The following ALG6 variants were observed in gnomAD, a reference collection of about 807,000 sequenced individuals.
The protein encoded by ALG6 is dolichyl pyrophosphate Man9GlcNAc2 alpha-1,3-glucosyltransferase.
ALG6 carries 46 observed loss-of-function variants against 66.6 expected under a neutral mutation model. The observed-to-expected ratio is 0.69, with a 90% CI of 0.55 to 0.88. The LOEUF (loss-of-function observed/expected upper bound fraction) is 0.88. ALG6 is among the 40% of genes least tolerant of loss of function. The pLI, the probability that ALG6 is intolerant of heterozygous loss-of-function variation, is 0.00. For synonymous variants in ALG6, 185 were observed against 203.7 expected, an observed-to-expected ratio of 0.91 and a Z score of 0.78; for missense variants, 505 against 586.8, an observed-to-expected ratio of 0.86 and a Z score of 1.44.
intron 2 of ALG6, among the ~76,000 whole-genome samples, chr1:63,387,056 A>T (rs1648524516): frequency 6.6e-6 from 1 of 152,210 alleles, no homozygotes; most frequent in African/African-American, 2.4e-5. Context: ...CTGGGCATTC[A>T]GGATCATATT....
At chr1:63,421,547 C>T (rs1473719422) in intron 12 of ALG6, among the ~76,000 whole-genome samples, 17 of 152,126 alleles carry the variant, frequency 1.1e-4, no homozygotes, top group Non-Finnish European at 4.4e-5. Context: ...GATTATAAAT[C>T]ATTCTACTAT....
chr1:63,390,371 A>C (rs1648633600), intron 2 of ALG6, among the ~76,000 whole-genome samples: 1 of 152,194 alleles, frequency 6.6e-6, no homozygotes. Context: ...TTGCTGTGGC[A>C]GAGCTGGTAT....
chr1:63,373,455 T>C (rs1284297532), intron 2 of ALG6, among the ~76,000 whole-genome samples: 2 of 151,062 alleles, frequency 1.3e-5, no homozygotes, highest in Non-Finnish European at 3.0e-5. Flanking sequence ...ATACAAAAAT[T>C]AGCCGGGCGC....
intron 11 of ALG6, 29 bp downstream of exon 11, chr1:63,415,986 A>G (rs771153758): frequency 6.9e-7 from 1 of 1,448,162 alleles, no homozygotes; most frequent in South Asian, 1.1e-5. Flanking sequence ...TAGATACTTA[A>G]TTCTTGCCAC....
rs1165302694 is a variant in ALG6 at position 63,436,985 on chromosome 1, T to A, written c.1489T>A (p.Ser497Thr). 6.2e-7 allele frequency: 1 copy of A among 1,613,528 alleles called. No individual in the cohort carries two copies. Among genetic ancestry groups the A allele is most frequent in the Middle Eastern group, 1.7e-4 (1 of 6,054 alleles). Reference protein sequence around the residue: ...VYFNIIIMWDSKSGRNQKKIS With the variant: ...VYFNIIIMWDTKSGRNQKKIS ...CTTTAACATTATTATTATGTGGGAT[T>A]CCAAAAGTGGAAGAAATCAGAAGAA... The change falls in exon 15 of 15, where the codon TCC (serine) becomes ACC (threonine). Residue 497 changes from serine to threonine, a missense_variant. Physicochemically the swap from Ser to Thr is moderately conservative, Grantham distance 58 (BLOSUM62 1). Transcript: ENST00000263440.
chr1:63,422,354 TATATAA>T (rs372376725), intron 12 of ALG6, among the ~76,000 whole-genome samples: 7,076 of 87,296 alleles, frequency 0.081, 657 homozygotes, highest in Middle Eastern at 0.14. Flanking sequence ...AATATATATC[TATATAA>T]ATATAAATAT....
chr1:63,430,761 T>C (rs1277304848), intron 14 of ALG6, among the ~76,000 whole-genome samples: 2 of 152,150 alleles, frequency 1.3e-5, no homozygotes, highest in Non-Finnish European at 2.9e-5. Context: ...GTTGTAAGAG[T>C]TTTTTTAATA....
At chr1:63,409,260 T>C (rs1431935922) in intron 7 of ALG6, among the ~76,000 whole-genome samples, 1 of 152,230 alleles carries the variant, frequency 6.6e-6, no homozygotes, top group Non-Finnish European at 1.5e-5. Flanking sequence ...TTACCATTTT[T>C]ATAATTTATT....
rs1019475428 is a variant in ALG6 at position 63,378,597 on chromosome 1, G to A, written c.82+7538G>A. On this transcript the variant is annotated intron_variant, in intron 2 of 14. Coordinates refer to ENST00000263440, the MANE Select transcript of ALG6 (RefSeq NM_013339.4). ...TATAGGCCATTCACTATGTGCCAAGGGCTGGTGATGCTGCAGAGAATAAAA... is the reference window on the plus strand; with the variant it reads ...TATAGGCCATTCACTATGTGCCAAGAGCTGGTGATGCTGCAGAGAATAAAA... 3.9e-5 allele frequency among the ~76,000 whole-genome samples: 6 copies of A among 152,184 alleles called. No homozygotes were observed. In the East Asian group the frequency reaches 1.2e-3, roughly 29 times the overall value.
chr1:63,412,043 T>C lies in ALG6; in HGVS notation c.798T>C (p.Val266=). ...TLQVLRRLFP[V]DRGLFEDKVA... ...AGGTTCTAAGAAGACTCTTCCCGGT[T>C]GATCGTGGATTATTTGAGGCATGTT... The change falls in exon 9 of 15, where the codon GTT becomes GTC. Residue 266 remains valine, a synonymous_variant. Transcript: ENST00000263440. 6.2e-7 allele frequency: 1 copy of C among 1,614,150 alleles called. No individual in the cohort carries two copies. The highest frequency in any genetic ancestry group is 1.7e-5 in the Admixed American group (1 of 60,016).
chr1:63,437,275 G>A lies in ALG6; in HGVS notation c.*255G>A, dbSNP rs1034453030. The A allele has an allele frequency of 7.5e-6, 3 of 398,772 alleles. No individual in the cohort carries two copies. 24.7% of individuals were successfully genotyped at this position (398,772 alleles called of 1,614,324 possible). A position where few individuals can be genotyped will look rare whatever the true frequency, so the allele number is the denominator to read the frequency against. Reference sequence around the variant, plus strand: ...TATTATTCACAGCTATTCAAGTGGGGAAAAAAGAGAAACATGTCCTTAATC... The same window carrying A: ...TATTATTCACAGCTATTCAAGTGGGAAAAAAAGAGAAACATGTCCTTAATC... On this transcript the variant is annotated 3_prime_UTR_variant, in exon 15 of 15. Coordinates refer to ENST00000263440, the MANE Select transcript of ALG6 (RefSeq NM_013339.4).
At chr1:63,382,684 T>G (rs1044073453) in intron 2 of ALG6, among the ~76,000 whole-genome samples, 4 of 79,560 alleles carry the variant, frequency 5.0e-5, no homozygotes, top group Non-Finnish European at 9.4e-5. Flanking sequence ...TTTTTGTTTT[T>G]TTTTTTTTTG....
At chr1:63,434,437 G>T (rs1213091022) in intron 14 of ALG6, among the ~76,000 whole-genome samples, 1 of 152,120 alleles carries the variant, frequency 6.6e-6, no homozygotes, top group Non-Finnish European at 1.5e-5. Flanking sequence ...GAGACCAAGA[G>T]TTTTTTACAT....
At chr1:63,404,893 G>T (rs894844169) in intron 5 of ALG6, among the ~76,000 whole-genome samples, 2 of 152,056 alleles carry the variant, frequency 1.3e-5, no homozygotes, top group African/African-American at 4.8e-5. Flanking sequence ...TTTTTAGGGT[G>T]CTGCTTTAAT....
Position 63,433,962 on chromosome 1 carries a change from TA to T in ALG6, c.1327-2858del, listed in dbSNP as rs1383150783. The stretch of plus-strand genomic sequence containing the variant: ...TTCTTGAGCAAAGAACCAAAGGAAG[TA>T]AACTGCAGATAATTGAGGGTAGAAC... On this transcript the variant is annotated intron_variant, in intron 14 of 14. Coordinates refer to ENST00000263440, the MANE Select transcript of ALG6 (RefSeq NM_013339.4). This position sits in a 1 kb window ranked among gnomAD's most constrained non-coding sequence, Gnocchi z 4.2. Among the ~76,000 whole-genome samples, 3 of 152,078 alleles carry T rather than the reference TA, an allele frequency of 2.0e-5. No individual in the cohort carries two copies. Among genetic ancestry groups the T allele is most frequent in the Non-Finnish European group, 2.9e-5 (2 of 68,002 alleles).
chr1:63,375,410 ATTT>A (rs766565038), intron 2 of ALG6, among the ~76,000 whole-genome samples: 4 of 77,068 alleles, frequency 5.2e-5, no homozygotes, highest in African/African-American at 1.0e-4. Flanking sequence ...CACCCCCGGC[ATTT>A]TTTTTTTTTT....
chr1:63,400,243 ACGTATATATATGTATATATATATACG>A (rs1644443949), intron 3 of ALG6, among the ~76,000 whole-genome samples: 1 of 12,192 alleles, frequency 8.2e-5, no homozygotes, highest in Admixed American at 1.5e-3. Context: ...ATATATATAT[ACGTATATATATGTATATATATATACG>A]TATATATATA....
At chr1:63,383,005 G>T (rs1648381193) in intron 2 of ALG6, among the ~76,000 whole-genome samples, 1 of 151,952 alleles carries the variant, frequency 6.6e-6, no homozygotes, top group Non-Finnish European at 1.5e-5. Flanking sequence ...CAGAGTCGGG[G>T]TTTTACCATG....
At chr1:63,369,366 C>T (rs187797111) in intron 1 of ALG6, among the ~76,000 whole-genome samples, 156 of 152,264 alleles carry the variant, frequency 1.0e-3, no homozygotes, top group African/African-American at 3.7e-3. Context: ...CAGTGGCTCA[C>T]GCCTGTAATC....
Sources: gnomAD v4.1 joint callset for allele counts (sites outside exome capture counted in the v4.1 genomes callset) on GRCh38, gnomAD v4.1.1 for gene constraint, Gnocchi (gnomAD v3.1) non-coding constraint, MANE v1.5 for transcripts, NCBI Gene and HGNC (gene_info 2026-07-23, HGNC 2026-07-21) for gene names.